The following POC1B variants were observed in gnomAD, a reference collection of about 807,000 sequenced individuals.
POC1B encodes POC1 centriolar protein B, also known as POC1 centriolar protein homolog B.
In POC1B, 44 loss-of-function variants were observed where a neutral mutation model predicts 60.6. The observed-to-expected ratio is 0.73, with a 90% CI of 0.57 to 0.93. The LOEUF (loss-of-function observed/expected upper bound fraction) is 0.93. Among genes scored for constraint, POC1B ranks in the 40% least tolerant of loss-of-function variants. The pLI, the probability that POC1B is intolerant of heterozygous loss-of-function variation, is 0.00. For missense variants in POC1B, 555 were observed against 572.3 expected, an observed-to-expected ratio of 0.97 and a Z score of 0.31; for synonymous variants, 180 against 198.9, an observed-to-expected ratio of 0.90 and a Z score of 0.80.
intron 9 of POC1B, 29 bp downstream of exon 9, chr12:89,466,741 T>C (rs1473051766): frequency 1.9e-6 from 3 of 1,580,096 alleles, no homozygotes; most frequent in Non-Finnish European, 1.7e-6. Flanking sequence ...GTACACAAAA[T>C]GTAGGACAAA....
rs569270565 is a variant in POC1B at position 89,477,376 on chromosome 12, C to G, written c.453-5101G>C. On this transcript the variant is annotated intron_variant, in intron 4 of 11. Coordinates refer to ENST00000313546, the MANE Select transcript of POC1B (RefSeq NM_172240.3). Reference sequence around the variant, plus strand: ...AAGCATGCCATGAAAATTACTTGTTCGGGAATTTACCATCTATGTGCCCAG... The same window carrying G: ...AAGCATGCCATGAAAATTACTTGTTGGGGAATTTACCATCTATGTGCCCAG... Among the ~76,000 whole-genome samples, 3 of 152,168 alleles carry G rather than the reference C, an allele frequency of 2.0e-5. No individual in the cohort carries two copies. The South Asian group carries it at 6.2e-4, about 32-fold the overall frequency.
intron 10 of POC1B, among the ~76,000 whole-genome samples, chr12:89,448,709 T>G (rs1341630943): frequency 6.6e-6 from 1 of 152,240 alleles, no homozygotes; most frequent in Non-Finnish European, 1.5e-5. Flanking sequence ...CAACCTATGA[T>G]GAGCATGCCA....
At chr12:89,467,720 T>C (rs1295527625) in intron 7 of POC1B, 35 bp from the exon 8 acceptor site, 3 of 1,509,898 alleles carry the variant, frequency 2.0e-6, no homozygotes, top group Non-Finnish European at 2.7e-6. Context: ...AAAAAAGTAC[T>C]TGGTAATGCT....
At chr12:89,465,605 C>CA (rs1338265865) in intron 9 of POC1B, among the ~76,000 whole-genome samples, 3 of 151,530 alleles carry the variant, frequency 2.0e-5, no homozygotes, top group African/African-American at 7.3e-5. Flanking sequence ...GAAACAGAAG[C>CA]AAAAAATGGG....
intron 10 of POC1B, among the ~76,000 whole-genome samples, chr12:89,458,641 T>C (rs890137268): frequency 6.6e-6 from 1 of 152,228 alleles, no homozygotes; most frequent in African/African-American, 2.4e-5. Flanking sequence ...TAGTCCTCTG[T>C]AGAATTCCTC....
intron 9 of POC1B, among the ~76,000 whole-genome samples, chr12:89,464,193 T>A (rs1050558184): frequency 3.3e-5 from 5 of 152,164 alleles, no homozygotes; most frequent in African/African-American, 1.2e-4. Flanking sequence ...ATTTCCCAAG[T>A]AACTGCATGT....
intron 10 of POC1B, among the ~76,000 whole-genome samples, chr12:89,452,547 T>A (rs1882094304): frequency 6.6e-6 from 1 of 152,156 alleles, no homozygotes; most frequent in Non-Finnish European, 1.5e-5. Flanking sequence ...AGTATCAAAT[T>A]TTTGGTAAAT....
Position 89,524,918 on chromosome 12 carries a change from T to A in POC1B, c.100+202A>T, listed in dbSNP as rs547944217. 4.8e-6 allele frequency: 4 copies of A among 828,414 alleles called. No homozygotes were observed. The South Asian group carries it at 7.2e-5, about 15-fold the overall frequency. The allele number at this position is 828,414 out of a possible 1,614,324, so 51.3% of individuals were successfully genotyped here. On this transcript the variant is annotated intron_variant, in intron 2 of 11. Coordinates refer to ENST00000313546, the MANE Select transcript of POC1B (RefSeq NM_172240.3). ...CCCAGACCGCTGGATAGGAGGCTCT[T>A]GGCCGGGCCGGGGGCTGGGGGCCGG...
At chr12:89,479,779 C>T (rs1039475833) in intron 4 of POC1B, among the ~76,000 whole-genome samples, 1 of 151,950 alleles carries the variant, frequency 6.6e-6, no homozygotes, top group African/African-American at 2.4e-5. Context: ...AAGGCAGAAA[C>T]AATTGCTCTA....
chr12:89,490,974 G>T (rs1868935461), intron 4 of POC1B, among the ~76,000 whole-genome samples: 1 of 152,116 alleles, frequency 6.6e-6, no homozygotes, highest in Non-Finnish European at 1.5e-5. Flanking sequence ...GCCTGGCTTT[G>T]ACAGTCTATT....
chr12:89,443,597 C>G (rs1165580349), intron 10 of POC1B, among the ~76,000 whole-genome samples: 1 of 138,648 alleles, frequency 7.2e-6, no homozygotes, highest in South Asian at 2.4e-4. Context: ...GGGACACATT[C>G]AAAGCAGTGT....
intron 10 of POC1B, chr12:89,425,630 A>G (rs971442796): frequency 6.2e-6 from 2 of 320,812 alleles, no homozygotes; most frequent in South Asian, 1.1e-4. Flanking sequence ...CACTTTCCAT[A>G]CACTGATCTG....
chr12:89,470,270 C>T lies in POC1B; in HGVS notation c.810+91G>A, dbSNP rs12306790. ...GCAATGTGTGCTATGTCTGGAAAAA[C>T]AATAAAGGGACATAAAAATGGATCA... On this transcript the variant is annotated intron_variant, in intron 7 of 11. Transcript: ENST00000313546. 573,210 of 793,852 alleles carry T rather than the reference C, an allele frequency of 0.72. 207,540 individuals carry two copies. The highest frequency in any genetic ancestry group is 0.81 in the Middle Eastern group (1,547 of 1,906). The allele number at this position is 793,852 out of a possible 1,614,324, so 49.2% of individuals were successfully genotyped here.
At position 89,502,303 on chromosome 12, in the gene POC1B, T is replaced by C. The variant is rs1214948910; in HGVS notation, c.101-4961A>G. The C allele has an allele frequency of 6.2e-6, 10 of 1,609,086 alleles. No individual in the cohort carries two copies. In the Admixed American group the frequency reaches 1.5e-4, roughly 24 times the overall value. ...AATCCATCACAAACTAGTATTGCCCTCCAACACACCAAATGTTCGCAGGAC... is the reference window on the plus strand; with the variant it reads ...AATCCATCACAAACTAGTATTGCCCCCCAACACACCAAATGTTCGCAGGAC... On this transcript the variant is annotated intron_variant, in intron 2 of 11. Transcript: ENST00000313546.
intron 2 of POC1B, among the ~76,000 whole-genome samples, chr12:89,511,766 C>T (rs140446104): frequency 3.3e-5 from 5 of 152,168 alleles, no homozygotes; most frequent in African/African-American, 7.2e-5. Flanking sequence ...CATCCATAAA[C>T]GTAGATGGGG....
intron 4 of POC1B, among the ~76,000 whole-genome samples, chr12:89,486,571 G>C (rs1371962017): frequency 6.6e-6 from 1 of 152,146 alleles, no homozygotes; most frequent in Non-Finnish European, 1.5e-5. Context: ...AGGACAAGGA[G>C]TCACTGAGGG....
At chr12:89,456,034 T>TTGC in intron 10 of POC1B, among the ~76,000 whole-genome samples, 1 of 152,048 alleles carries the variant, frequency 6.6e-6, no homozygotes, top group East Asian at 1.9e-4. Flanking sequence ...GTTGTTGTTG[T>TTGC]TGTTGTTGTT....
rs1424525066 is a variant in POC1B, at chr12:89,420,629, ATTTG to A, written c.*520_*523del. On this transcript the variant is annotated 3_prime_UTR_variant, in exon 12 of 12. Coordinates refer to ENST00000313546, the MANE Select transcript of POC1B (RefSeq NM_172240.3). The stretch of plus-strand genomic sequence containing the variant: ...GAAATTCTGTGGTCTGGGAATTTTT[ATTTG>A]TTCATTCTTTCAAGGCATTAGTAAG... 6.6e-6 allele frequency: 1 copy of A among 152,286 alleles called. No homozygotes were observed. The highest frequency in any genetic ancestry group is 2.4e-5 in the African/African-American group (1 of 41,458). The allele number at this position is 152,286 out of a possible 1,614,324, so 9.4% of individuals were successfully genotyped here.
intron 2 of POC1B, among the ~76,000 whole-genome samples, chr12:89,508,845 A>G (rs1388356920): frequency 6.6e-6 from 1 of 152,154 alleles, no homozygotes; most frequent in Non-Finnish European, 1.5e-5. Context: ...GTGAAGAAGG[A>G]TGTGTTTGTT....
Sources: allele counts gnomAD v4.1 joint callset (sites outside exome capture counted in the v4.1 genomes callset), GRCh38; gene constraint gnomAD v4.1.1; transcripts MANE v1.5; gene names NCBI Gene and HGNC (gene_info 2026-07-23, HGNC 2026-07-21).